The following TRUB1 variants were observed in gnomAD, a reference collection of about 807,000 sequenced individuals.
TRUB1 encodes TruB pseudouridine synthase family member 1.
Under a neutral mutation model 33.9 loss-of-function variants are expected in TRUB1, and 23 were observed. The ratio of observed to expected loss-of-function variants is 0.68; its 90% CI spans 0.49 to 0.96. The LOEUF is 0.96. Ranked by LOEUF, TRUB1 falls within the 40% of genes least tolerant of loss-of-function variation. The pLI is 0.00. For missense variants in TRUB1, 378 were observed against 422.2 expected, an observed-to-expected ratio of 0.90 and a Z score of 0.92; for synonymous variants, 163 against 165.4, an observed-to-expected ratio of 0.99 and a Z score of 0.11.
At chr10:114,968,770 G>A (rs1346213315) in intron 4 of TRUB1, among the ~76,000 whole-genome samples, 1 of 152,196 alleles carries the variant, frequency 6.6e-6, no homozygotes, top group African/African-American at 2.4e-5. Context: ...GGTTAAAACT[G>A]TCTTGTTGGG....
chr10:114,957,495 T>C (rs2084266531), intron 3 of TRUB1, among the ~76,000 whole-genome samples: 1 of 152,228 alleles, frequency 6.6e-6, no homozygotes, highest in Admixed American at 6.5e-5. Flanking sequence ...ATCGAATTTG[T>C]GGATTTGATA....
intron 4 of TRUB1, among the ~76,000 whole-genome samples, chr10:114,964,267 T>A (rs1246563639): frequency 6.6e-6 from 1 of 152,060 alleles, no homozygotes; most frequent in Non-Finnish European, 1.5e-5. Flanking sequence ...TTTTGGCTTA[T>A]TAGCCATCTT....
intron 2 of TRUB1, among the ~76,000 whole-genome samples, chr10:114,943,666 G>A (rs1471165317): frequency 6.6e-6 from 1 of 152,220 alleles, no homozygotes; most frequent in African/African-American, 2.4e-5. Flanking sequence ...CCTCACAGGA[G>A]GGAGAGAGGA....
rs200460525 is a variant in TRUB1, at chr10:114,951,189, T to C, written c.441+40T>C. ...ATAGTTCTATTTTTCTTTAATGTTC[T>C]TAATGATCTACATGTATTGGGTTTT... On this transcript the variant is annotated intron_variant, in intron 3 of 7. Coordinates refer to ENST00000298746, the MANE Select transcript of TRUB1 (RefSeq NM_139169.5). The C allele has an allele frequency of 4.1e-3, 6,147 of 1,512,402 alleles. 48 individuals are homozygous for C. The highest frequency in any genetic ancestry group is 0.026 in the Middle Eastern group (152 of 5,840). The allele number at this position is 1,512,402 out of a possible 1,614,324, so 93.7% of individuals were successfully genotyped here.
At chr10:114,956,986 A>G (rs957119806) in intron 3 of TRUB1, among the ~76,000 whole-genome samples, 3 of 152,218 alleles carry the variant, frequency 2.0e-5, no homozygotes, top group Non-Finnish European at 4.4e-5. Flanking sequence ...GCTACATACA[A>G]TATAATTGCA....
chr10:114,963,507 A>G (rs2084293158), intron 4 of TRUB1, among the ~76,000 whole-genome samples: 1 of 152,262 alleles, frequency 6.6e-6, no homozygotes, highest in African/African-American at 2.4e-5. Flanking sequence ...GTACAGCTCT[A>G]TCAATTTGCA....
At position 114,972,133 on chromosome 10, in the gene TRUB1, A is replaced by G. The variant is rs756310402; in HGVS notation, c.597-2A>G. ...CCATTTCTCCTTCTCTCATCTCACA[A>G]GCTATTCTGCATTAAAGAAAGATGG... On this transcript the variant is annotated splice_acceptor_variant, in intron 5 of 7. Transcript: ENST00000298746. LOFTEE classifies it high-confidence loss of function. The G allele has an allele frequency of 6.2e-7, 1 of 1,612,628 alleles. No individual in the cohort carries two copies. The highest frequency in any genetic ancestry group is 8.5e-7 in the Non-Finnish European group (1 of 1,179,488).
chr10:114,939,821 C>CTTTTTTTTTTTTTTTTTTTT lies in TRUB1; in HGVS notation c.286+1286_286+1287insTTTTTTTTTTTTTTTTTTTT, dbSNP rs199856592. On this transcript the variant is annotated intron_variant, in intron 1 of 7. Coordinates refer to ENST00000298746, the MANE Select transcript of TRUB1 (RefSeq NM_139169.5). ...GATTTGTTAGCTAAACTCTGGGTTT[C>CTTTTTTTTTTTTTTTTTTTT]TTTTCTTTTTTTTTTTTTTTTATCC... 1.9e-5 allele frequency among the ~76,000 whole-genome samples: 2 copies of CTTTTTTTTTTTTTTTTTTTT among 103,490 alleles called. 1 individual carries two copies. Among genetic ancestry groups the CTTTTTTTTTTTTTTTTTTTT allele is most frequent in the African/African-American group, 8.9e-5 (2 of 22,572 alleles). 67.9% of individuals were successfully genotyped at this position (103,490 alleles called of 152,430 possible).
intron 2 of TRUB1, among the ~76,000 whole-genome samples, chr10:114,946,129 G>T (rs1328592483): frequency 6.6e-6 from 1 of 151,996 alleles, no homozygotes; most frequent in Non-Finnish European, 1.5e-5. Flanking sequence ...ATCATACTTC[G>T]GTTTGTACAC....
intron 2 of TRUB1, among the ~76,000 whole-genome samples, chr10:114,943,822 T>C (rs2084199841): frequency 6.6e-6 from 1 of 152,120 alleles, no homozygotes; most frequent in Non-Finnish European, 1.5e-5. Flanking sequence ...GGTAGAAGGC[T>C]CTGTTTGTCT....
At chr10:114,942,944 C>T (rs1349794593) in intron 2 of TRUB1, among the ~76,000 whole-genome samples, 1 of 152,186 alleles carries the variant, frequency 6.6e-6, no homozygotes, top group Admixed American at 6.5e-5. Context: ...GAAATAGCTA[C>T]TTTTATGTGT....
chr10:114,971,383 T>C (rs544749968), intron 5 of TRUB1, among the ~76,000 whole-genome samples: 261 of 152,334 alleles, frequency 1.7e-3, no homozygotes, highest in African/African-American at 5.9e-3. Flanking sequence ...ATAGGATATG[T>C]CAGGGTAAGT....
rs1355016840 is a variant in TRUB1, at chr10:114,976,174, G to A, written c.*795G>A. The A allele has an allele frequency of 6.6e-6, 1 of 152,484 alleles. No homozygotes were observed. The highest frequency in any genetic ancestry group is 1.5e-5 in the Non-Finnish European group (1 of 67,968). 9.4% of individuals were successfully genotyped at this position (152,484 alleles called of 1,614,324 possible). A position where few individuals can be genotyped will look rare whatever the true frequency, so the allele number is the denominator to read the frequency against. ...AGTAACATAATTTTTAAAATTTAAA[G>A]AATGTGTCTTCAACTAAAAACTTTA... On this transcript the variant is annotated 3_prime_UTR_variant, in exon 8 of 8. Coordinates refer to ENST00000298746, the MANE Select transcript of TRUB1 (RefSeq NM_139169.5).
intron 4 of TRUB1, among the ~76,000 whole-genome samples, chr10:114,967,563 T>A (rs2084315509): frequency 6.6e-6 from 1 of 152,226 alleles, no homozygotes; most frequent in African/African-American, 2.4e-5. Context: ...AAAATGATTT[T>A]AAAAAATTAA....
intron 1 of TRUB1, among the ~76,000 whole-genome samples, chr10:114,941,349 T>G (rs1271562645): frequency 6.6e-6 from 1 of 152,086 alleles, no homozygotes; most frequent in East Asian, 1.9e-4. Flanking sequence ...TTTTTTTTTT[T>G]TTAAACAGGA....
intron 3 of TRUB1, among the ~76,000 whole-genome samples, chr10:114,958,968 C>G (rs1278192661): frequency 6.6e-6 from 1 of 151,392 alleles, no homozygotes; most frequent in Non-Finnish European, 1.5e-5. Context: ...AACCCCATCT[C>G]TACTAAAAAT....
At chr10:114,974,644 T>C (rs909996481) in intron 7 of TRUB1, among the ~76,000 whole-genome samples, 1 of 151,718 alleles carries the variant, frequency 6.6e-6, no homozygotes, top group African/African-American at 2.4e-5. Context: ...AGGGCCAACA[T>C]CTTTTCAAGT....
intron 4 of TRUB1, among the ~76,000 whole-genome samples, chr10:114,961,508 G>A (rs1029124771): frequency 6.6e-6 from 1 of 152,086 alleles, no homozygotes; most frequent in Non-Finnish European, 1.5e-5. Context: ...AAGCATTTTA[G>A]TATTTTAAAA....
At position 114,977,320 on chromosome 10, in the gene TRUB1, A is replaced by G. The variant is rs546124789; in HGVS notation, c.*1941A>G. 2 of 152,122 alleles carry G rather than the reference A, an allele frequency of 1.3e-5. No homozygotes were observed. The highest frequency in any genetic ancestry group is 2.1e-4 in the South Asian group (1 of 4,816). 9.4% of individuals were successfully genotyped at this position (152,122 alleles called of 1,614,324 possible). ...TTGACTTTTTCATTTGATATTATCT[A>G]TATGTATGTAGTTGTGATAATGATT... On this transcript the variant is annotated 3_prime_UTR_variant, in exon 8 of 8. Coordinates refer to ENST00000298746, the MANE Select transcript of TRUB1 (RefSeq NM_139169.5).
Sources: allele counts gnomAD v4.1 joint callset (sites outside exome capture counted in the v4.1 genomes callset), GRCh38; gene constraint gnomAD v4.1.1; transcripts MANE v1.5; gene names NCBI Gene and HGNC (gene_info 2026-07-23, HGNC 2026-07-21).